The following TBC1D2 variants were observed in gnomAD, a reference collection of about 807,000 sequenced individuals.
TBC1D2 encodes TBC1 domain family member 2, also known as TBC1 domain family member 2A.
In TBC1D2, 58 loss-of-function variants were observed where a neutral mutation model predicts 91.1. The ratio of observed to expected loss-of-function variants is 0.64; its 90% CI spans 0.52 to 0.79. TBC1D2 has a LOEUF of 0.79. Among genes scored for constraint, TBC1D2 ranks in the 30% least tolerant of loss-of-function variants. The pLI is 0.00. For synonymous variants in TBC1D2, 482 were observed against 511.5 expected (o/e 0.94, Z 0.78); for missense variants, 1,080 against 1,208.3 (o/e 0.89, Z 1.57).
intron 9 of TBC1D2, among the ~76,000 whole-genome samples, chr9:98,203,833 C>G (rs1489089089): frequency 6.6e-6 from 1 of 152,168 alleles, no homozygotes; most frequent in African/African-American, 2.4e-5. Context: ...CTATCCTCAC[C>G]TTAGTATTCA....
rs577814593 is a variant in TBC1D2, at chr9:98,236,460, TGATCCA to T, written c.648-2917_648-2912del. Among the ~76,000 whole-genome samples the T allele has an allele frequency of 5.9e-5, 9 of 152,246 alleles. No homozygotes were observed. The South Asian group carries it at 1.0e-3, about 18-fold the overall frequency. On this transcript the variant is annotated intron_variant, in intron 3 of 12. Transcript: ENST00000465784. The stretch of plus-strand genomic sequence containing the variant: ...CTGGTCTCAAACTCCTGACTTCAGG[TGATCCA>T]CCCGCCTTGGCTTCCCAAAGTTCTG...
Position 98,213,146 on chromosome 9 carries a change from T to C in TBC1D2, c.1447A>G (p.Arg483Gly). The change falls in exon 7 of 13, where the codon AGA becomes GGA. Residue 483 changes from arginine (R) to glycine (G), a missense_variant. By Grantham distance (125) the Arg-to-Gly change is moderately radical. Transcript: ENST00000465784. ...GCCTTCTCCTTCTCAGCCACCTTTCTCCAGATCTTTGTGACCTGGTGGATC... is the reference window on the plus strand; with the variant it reads ...GCCTTCTCCTTCTCAGCCACCTTTCCCCAGATCTTTGTGACCTGGTGGATC... ...SEIHQVTKIW[R>G]KVAEKEKALL... 2 of 1,614,066 alleles carry C rather than the reference T, an allele frequency of 1.2e-6. No individual in the cohort carries two copies. Among genetic ancestry groups the C allele is most frequent in the Non-Finnish European group, 1.7e-6 (2 of 1,180,000 alleles).
chr9:98,208,827 T>A lies in TBC1D2; in HGVS notation c.1991A>T (p.His664Leu). 1 of 1,606,736 alleles carries A rather than the reference T, an allele frequency of 6.2e-7. No individual in the cohort carries two copies. Residue 664 changes from histidine (H) to leucine (L), a missense_variant, in exon 9 of 13, where the codon CAC becomes CTC. By Grantham distance (99) the His-to-Leu change is moderately conservative. Coordinates refer to ENST00000465784, the MANE Select transcript of TBC1D2 (RefSeq NM_001267571.2). ...ELLSRGQARE[H>L]PAARQIELDL... ...CAGCTCAATCTGGCGGGCAGCAGGG[T>A]GCTCGCGGGCCTGGCCCCGGCTCAG...
Position 98,244,101 on chromosome 9 carries a change from G to A in TBC1D2, c.540C>T (p.Phe180=). 1 of 1,613,354 alleles carries A rather than the reference G, an allele frequency of 6.2e-7. No individual in the cohort carries two copies. Among genetic ancestry groups the A allele is most frequent in the Non-Finnish European group, 8.5e-7 (1 of 1,179,730 alleles). ...CAGGGGGTGTTTTCACAGGGCACAG[G>A]AACTCCTCCAGCTCTGCCTCTTCTT... ...LGQEEAELEE[F]LCPVKTPPGL... The change falls in exon 3 of 13, where the codon TTC becomes TTT. Residue 180 remains phenylalanine (F), a synonymous_variant. Transcript: ENST00000465784.
intron 4 of TBC1D2, among the ~76,000 whole-genome samples, chr9:98,232,391 C>T (rs1829394102): frequency 6.8e-6 from 1 of 146,028 alleles, no homozygotes; most frequent in Non-Finnish European, 1.5e-5. Flanking sequence ...ATGATCACGG[C>T]TCACTGCAGC....
intron 7 of TBC1D2, among the ~76,000 whole-genome samples, chr9:98,211,954 C>T (rs113045622): frequency 0.016 from 2,483 of 152,186 alleles, 68 homozygotes; most frequent in African/African-American, 0.057. Flanking sequence ...TGCACCACCA[C>T]GCCCAGCTAA....
At chr9:98,213,006 AG>A in intron 7 of TBC1D2, 101 bp downstream of exon 7, 1 of 1,290,970 alleles carries the variant, frequency 7.7e-7, no homozygotes, top group South Asian at 1.3e-5. Context: ...TCAGAGGGAG[AG>A]GGGCAGACAG....
chr9:98,219,187 GC>G (rs1466172412), intron 6 of TBC1D2, among the ~76,000 whole-genome samples: 3 of 152,180 alleles, frequency 2.0e-5, no homozygotes, highest in African/African-American at 7.2e-5. Flanking sequence ...CCTTCTAACA[GC>G]CCTAGTCAAG....
At position 98,221,016 on chromosome 9, in the gene TBC1D2, C is replaced by T; in HGVS notation, c.1191G>A (p.Val397=). The change falls in exon 6 of 13, where the codon GTG becomes GTA. Residue 397 remains valine (V), a synonymous_variant. Coordinates refer to ENST00000465784, the MANE Select transcript of TBC1D2 (RefSeq NM_001267571.2). ...GCTGCACGTGCTGCTGTAGCTCCTG[C>T]ACCTGCTGCTCCCGCAGGCTCGCTG... is the stretch of plus-strand genomic sequence containing the variant. ...AHTASLREQQ[V]QELQQHVQLL... is the part of the protein sequence containing the mutation. The T allele has an allele frequency of 1.9e-6, 3 of 1,614,116 alleles. No individual in the cohort carries two copies.
At chr9:98,250,825 C>A (rs569767339) in intron 2 of TBC1D2, among the ~76,000 whole-genome samples, 2 of 152,128 alleles carry the variant, frequency 1.3e-5, no homozygotes, top group African/African-American at 4.8e-5. Flanking sequence ...TGGTCCATAC[C>A]GATCCTAAAA....
chr9:98,253,036 A>G (rs1045288875), intron 1 of TBC1D2, among the ~76,000 whole-genome samples: 1 of 152,122 alleles, frequency 6.6e-6, no homozygotes, highest in African/African-American at 2.4e-5. Context: ...GGTCTTCCCC[A>G]TGACCTTAAT....
At chr9:98,236,219 C>T (rs1829500944) in intron 3 of TBC1D2, among the ~76,000 whole-genome samples, 1 of 151,944 alleles carries the variant, frequency 6.6e-6, no homozygotes, top group Admixed American at 6.6e-5. Context: ...TCTTTCTGGG[C>T]CAGATTTTTG....
At chr9:98,229,450 A>G (rs1588050869) in intron 4 of TBC1D2, among the ~76,000 whole-genome samples, 3 of 152,140 alleles carry the variant, frequency 2.0e-5, no homozygotes, top group African/African-American at 7.2e-5. Flanking sequence ...TTCAGATCCC[A>G]CCCAGCCTGC....
chr9:98,218,223 T>C (rs1829014923), intron 6 of TBC1D2, among the ~76,000 whole-genome samples: 1 of 152,064 alleles, frequency 6.6e-6, no homozygotes, highest in Non-Finnish European at 1.5e-5. Context: ...GTATTCTTGG[T>C]TAATGTGAAT....
chr9:98,199,515 G>A lies in TBC1D2; in HGVS notation c.2653C>T (p.His885Tyr), dbSNP rs1274868311. The A allele has an allele frequency of 2.5e-6, 4 of 1,614,086 alleles. No homozygotes were observed. The highest frequency in any genetic ancestry group is 2.5e-6 in the Non-Finnish European group (3 of 1,180,052). ...AGCTCAGCCTCCAGCCGCTCCCGGT[G>A]GACCATGCGCAGCTGCCGCAGCTGT... ...MKQLRQLRMV[H>Y]RERLEAELRE... Residue 885 changes from histidine to tyrosine, a missense_variant, in exon 13 of 13, where the codon CAC becomes TAC. His to Tyr is a moderately conservative substitution (Grantham distance 83). Transcript: ENST00000465784.
In TBC1D2 at chr9:98,213,123, C is replaced by T; in HGVS notation, c.1470G>A (p.Lys490=). The T allele has an allele frequency of 1.2e-6, 2 of 1,614,158 alleles. No individual in the cohort carries two copies. The highest frequency in any genetic ancestry group is 1.1e-5 in the South Asian group (1 of 91,072). ...CACCCCGCACCTTCGTCAGAAGGGC[C>T]TTCTCCTTCTCAGCCACCTTTCTCC... ...KIWRKVAEKE[K]ALLTKCAYLQ... The change falls in exon 7 of 13, where the codon AAG becomes AAA. Residue 490 remains lysine (K), a synonymous_variant. Coordinates refer to ENST00000465784, the MANE Select transcript of TBC1D2 (RefSeq NM_001267571.2).
chr9:98,231,279 C>CTTTTTTTTT (rs35195996), intron 4 of TBC1D2, among the ~76,000 whole-genome samples: 31 of 76,704 alleles, frequency 4.0e-4, no homozygotes, highest in Non-Finnish European at 6.3e-4. Context: ...CTCAACTCTG[C>CTTTTTTTTT]TTTTTTTTTT....
chr9:98,252,842 A>ACAACAGCGGGCTACAAGG (rs1231922126), intron 1 of TBC1D2, among the ~76,000 whole-genome samples: 5 of 152,178 alleles, frequency 3.3e-5, no homozygotes, highest in African/African-American at 1.2e-4. Flanking sequence ...CCACATGAGA[A>ACAACAGCGGGCTACAAGG]CAACAGCGGG....
At chr9:98,237,146 G>A (rs976305744) in intron 3 of TBC1D2, among the ~76,000 whole-genome samples, 6 of 152,078 alleles carry the variant, frequency 3.9e-5, no homozygotes, top group South Asian at 4.2e-4. Flanking sequence ...AGACCAGCCT[G>A]GCCAACATAG....
Sources: allele counts gnomAD v4.1 joint callset (sites outside exome capture counted in the v4.1 genomes callset), GRCh38; gene constraint gnomAD v4.1.1; transcripts MANE v1.5; gene names NCBI Gene and HGNC (gene_info 2026-07-23, HGNC 2026-07-21).